NAV3: variants seen among roughly 807,000 people sequenced by gnomAD.
The protein encoded by NAV3 is pore membrane and/or filament interacting like protein 1.
In NAV3, 87 loss-of-function variants were observed where a neutral mutation model predicts 244.7. That is an observed-to-expected ratio of 0.36 (90% confidence interval 0.30 to 0.42). The LOEUF (loss-of-function observed/expected upper bound fraction) is 0.42. NAV3 is among the 20% of genes least tolerant of loss of function. NAV3 has a pLI of 1.00. For missense variants in NAV3, 2,663 were observed against 2,893.3 expected, an observed-to-expected ratio of 0.92 and a Z score of 1.83; for synonymous variants, 1,126 against 1,042.2, an observed-to-expected ratio of 1.08 and a Z score of -1.55.
In NAV3 at chr12:77,754,220, A is replaced by T. The variant is rs148491083; in HGVS notation, c.72+181954A>T. Among the ~76,000 whole-genome samples, 28 of 151,836 alleles carry T rather than the reference A, an allele frequency of 1.8e-4. No individual in the cohort carries two copies. In the East Asian group the frequency reaches 4.5e-3, roughly 24 times the overall value. On this transcript the variant is annotated intron_variant, in intron 2 of 8. Transcript: ENST00000550042. ...TTGGCCATTTACTCTCAGGTGCTCCACTCTCCTCAAGCTGATATTGGCATG... is the reference window on the plus strand; with the variant it reads ...TTGGCCATTTACTCTCAGGTGCTCCTCTCTCCTCAAGCTGATATTGGCATG...
At chr12:78,052,173 C>T (rs187901836) in intron 11 of NAV3, 7 of 152,280 alleles carry the variant, frequency 4.6e-5, no homozygotes, top group African/African-American at 1.7e-4. Flanking sequence ...ATAAGTGACC[C>T]TTCCTGACTT....
At chr12:78,077,000 T>C (rs999399118) in intron 12 of NAV3, among the ~76,000 whole-genome samples, 1 of 152,172 alleles carries the variant, frequency 6.6e-6, no homozygotes, top group African/African-American at 2.4e-5. Context: ...CATCAAAGAA[T>C]TCATCTCTGA....
chr12:77,627,114 C>T (rs1038021318), intron 2 of NAV3, among the ~76,000 whole-genome samples: 75 of 152,096 alleles, frequency 4.9e-4, no homozygotes, highest in Non-Finnish European at 1.2e-4. Flanking sequence ...ATAAAAACAA[C>T]AACAACAACT....
intron 31 of NAV3, among the ~76,000 whole-genome samples, chr12:78,187,578 G>T (rs988115396): frequency 1.7e-4 from 26 of 151,764 alleles, no homozygotes; most frequent in Admixed American, 1.5e-3. Flanking sequence ...GATAGATTTG[G>T]AACCATTATG....
At chr12:78,181,316 T>G (rs531071526) in intron 30 of NAV3, among the ~76,000 whole-genome samples, 115 of 152,180 alleles carry the variant, frequency 7.6e-4, no homozygotes, top group African/African-American at 2.5e-3. Context: ...ATTCTGATGA[T>G]GAAGAAATAC....
intron 15 of NAV3, 108 bp from the exon 16 acceptor site, chr12:78,121,832 A>G: frequency 7.4e-7 from 1 of 1,345,544 alleles, no homozygotes; most frequent in East Asian, 2.3e-5. Flanking sequence ...AGTGCTTTGT[A>G]GTTCAGTACA....
chr12:77,994,782 T>C (rs1161065344), intron 5 of NAV3, 21 bp from the exon 6 acceptor site: 1 of 1,584,368 alleles, frequency 6.3e-7, no homozygotes, highest in African/African-American at 1.4e-5. Context: ...TAATTCAATT[T>C]CTCTGTTTCT....
intron 16 of NAV3, among the ~76,000 whole-genome samples, chr12:78,122,825 A>G (rs1955733396): frequency 6.6e-6 from 1 of 152,062 alleles, no homozygotes; most frequent in Admixed American, 6.6e-5. Context: ...AGTTATGCTC[A>G]GAGCAATATG....
At chr12:77,847,244 T>G (rs192075853) in intron 1 of NAV3, among the ~76,000 whole-genome samples, 3 of 152,296 alleles carry the variant, frequency 2.0e-5, no homozygotes, top group Non-Finnish European at 4.4e-5. Flanking sequence ...CAGAGGCATT[T>G]CTGTGTGTGA....
chr12:78,107,722 A>G (rs1161723747), intron 12 of NAV3, among the ~76,000 whole-genome samples: 1 of 152,128 alleles, frequency 6.6e-6, no homozygotes, highest in African/African-American at 2.4e-5. Context: ...TGTTACTACT[A>G]GACTGGACCT....
intron 5 of NAV3, among the ~76,000 whole-genome samples, chr12:77,974,632 G>A (rs1893308764): frequency 6.6e-6 from 1 of 152,034 alleles, no homozygotes; most frequent in South Asian, 2.1e-4. Flanking sequence ...TTTTATGTGG[G>A]TAAAGATTAA....
Position 77,630,534 on chromosome 12 carries a change from A to T in NAV3, c.72+58268A>T, listed in dbSNP as rs138113159. ...GGTCAGCTTTGTAACAGAATAAATC[A>T]TGTGCCTTCAGATCAGCTTCTCCTC... is the stretch of plus-strand genomic sequence containing the variant. On this transcript the variant is annotated intron_variant, in intron 2 of 8. Transcript: ENST00000550042. Among the ~76,000 whole-genome samples the T allele has an allele frequency of 1.6e-3, 241 of 152,292 alleles. 1 individual carries two copies. Among genetic ancestry groups the T allele is most frequent in the Middle Eastern group, 3.4e-3 (1 of 294 alleles).
At chr12:77,758,623 A>G (rs1215108996) in intron 2 of NAV3, among the ~76,000 whole-genome samples, 1 of 152,214 alleles carries the variant, frequency 6.6e-6, no homozygotes, top group Non-Finnish European at 1.5e-5. Context: ...ATTGCTGATA[A>G]TACAAAGAGC....
At chr12:77,700,243 C>A (rs1875500714) in intron 2 of NAV3, among the ~76,000 whole-genome samples, 2 of 152,108 alleles carry the variant, frequency 1.3e-5, no homozygotes, top group African/African-American at 4.8e-5. Flanking sequence ...ATACAAAAAT[C>A]TCATCCTTGA....
chr12:78,011,999 G>A (rs1875368585), intron 8 of NAV3, among the ~76,000 whole-genome samples: 1 of 151,882 alleles, frequency 6.6e-6, no homozygotes, highest in African/African-American at 2.4e-5. Context: ...TGCTCCCTTG[G>A]TCCCATCACT....
At chr12:77,845,651 C>CTTTT (rs36029202) in intron 1 of NAV3, among the ~76,000 whole-genome samples, 19 of 129,606 alleles carry the variant, frequency 1.5e-4, no homozygotes, top group African/African-American at 5.1e-4. Flanking sequence ...TAGGCTAATA[C>CTTTT]TTTTTTTTTT....
chr12:77,751,271 C>T (rs532444326), intron 2 of NAV3, among the ~76,000 whole-genome samples: 16 of 152,164 alleles, frequency 1.1e-4, no homozygotes, highest in Non-Finnish European at 1.5e-4. Context: ...AGCCTCTTTT[C>T]GTAGAGCTAT....
chr12:77,976,005 T>C lies in NAV3; in HGVS notation c.671+7303T>C, dbSNP rs187611827. On this transcript the variant is annotated intron_variant, in intron 5 of 39. Coordinates refer to ENST00000397909, the MANE Select transcript of NAV3 (RefSeq NM_001024383.2). ...TAGTGTCAGAAGAAACTGATAGACTTGTAATGAAATTGGTAAACAGAAAGG... is the reference window on the plus strand; with the variant it reads ...TAGTGTCAGAAGAAACTGATAGACTCGTAATGAAATTGGTAAACAGAAAGG... Among the ~76,000 whole-genome samples, 223 of 152,258 alleles carry C rather than the reference T, an allele frequency of 1.5e-3. 1 individual carries two copies. The highest frequency in any genetic ancestry group is 5.1e-3 in the African/African-American group (211 of 41,554).
intron 14 of NAV3, 103 bp downstream of exon 14, chr12:78,118,400 C>A: frequency 1.4e-6 from 2 of 1,413,280 alleles, no homozygotes; most frequent in Non-Finnish European, 1.9e-6. Flanking sequence ...ATACCAAATT[C>A]TTATCCATAT....
Sources: gnomAD v4.1 joint callset for allele counts (sites outside exome capture counted in the v4.1 genomes callset) on GRCh38, gnomAD v4.1.1 for gene constraint, MANE v1.5 for transcripts, NCBI Gene and HGNC (gene_info 2026-07-23, HGNC 2026-07-21) for gene names.